C4orf36: variants seen among roughly 807,000 people sequenced by gnomAD.
The protein encoded by C4orf36 is uncharacterized protein C4orf36.
In C4orf36, 11 loss-of-function variants were observed where a neutral mutation model predicts 12.2. That is an observed-to-expected ratio of 0.90 (90% CI 0.57 to 1.49). C4orf36 has a LOEUF of 1.49. C4orf36 is among the 40% of genes most tolerant of loss of function. C4orf36 has a pLI of 0.00. For synonymous variants in C4orf36, 54 were observed against 51.3 expected (o/e 1.05, Z -0.22); for missense variants, 137 against 133.9 (o/e 1.02, Z -0.11).
At chr4:86,914,283 C>A in the C4orf36 span, 1 of 1,600,866 alleles carries the variant, frequency 6.2e-7, no homozygotes, top group Non-Finnish European at 8.6e-7. Context: ...GTCTGCCCCA[C>A]AAGTGACGAT....
chr4:86,897,235 C>T (rs151271512), upstream of C4orf36, among the ~76,000 whole-genome samples: 943 of 152,166 alleles, frequency 6.2e-3, 14 homozygotes, highest in African/African-American at 0.021. Flanking sequence ...GTGGCACGTA[C>T]CTGTAGTTCC....
At chr4:86,921,021 C>T in the C4orf36 span, among the ~76,000 whole-genome samples, 20 of 152,000 alleles carry the variant, frequency 1.3e-4, no homozygotes, top group Middle Eastern at 3.4e-3. Context: ...CAAAATTAAC[C>T]GGGCATGGTG....
the C4orf36 span, among the ~76,000 whole-genome samples, chr4:86,908,505 T>C: frequency 6.8e-6 from 1 of 146,994 alleles, no homozygotes; most frequent in Non-Finnish European, 1.5e-5. Flanking sequence ...AAGTAAGTAA[T>C]ATGAGATTGG....
chr4:86,927,444 C>G, the C4orf36 span, among the ~76,000 whole-genome samples: 3 of 152,254 alleles, frequency 2.0e-5, no homozygotes, highest in South Asian at 6.2e-4. Context: ...AAATCAAGGG[C>G]AGCTTTCCAG....
chr4:86,884,495 G>A (rs897191666), intron 4 of C4orf36, among the ~76,000 whole-genome samples: 8 of 151,796 alleles, frequency 5.3e-5, no homozygotes, highest in East Asian at 1.9e-4. Context: ...TGTGGAGACC[G>A]GGTCTCCCTA....
upstream of C4orf36, among the ~76,000 whole-genome samples, chr4:86,894,213 A>T (rs916368457): frequency 1.3e-5 from 2 of 152,134 alleles, no homozygotes; most frequent in Non-Finnish European, 2.9e-5. Context: ...CGGAATTTTT[A>T]AAAATGAGTT....
the C4orf36 span, chr4:86,925,544 T>C: frequency 2.0e-5 from 3 of 152,152 alleles, no homozygotes; most frequent in South Asian, 2.1e-4. Flanking sequence ...TGAATGATAA[T>C]TTATTTAGAA....
chr4:86,891,564 G>T lies in C4orf36; in HGVS notation c.-44C>A. 1 of 1,613,674 alleles carries T rather than the reference G, an allele frequency of 6.2e-7. No homozygotes were observed. The highest frequency in any genetic ancestry group is 1.7e-5 in the Admixed American group (1 of 59,986). ...GATTTCGTTACATAGGTGCCTGATGGAATGTCACAGATAACTCTGTTCACT... is the reference window on the plus strand; with the variant it reads ...GATTTCGTTACATAGGTGCCTGATGTAATGTCACAGATAACTCTGTTCACT... On this transcript the variant is annotated 5_prime_UTR_variant, in exon 2 of 5. Coordinates refer to ENST00000295898, the MANE Select transcript of C4orf36 (RefSeq NM_144645.4).
chr4:86,907,120 T>C, the C4orf36 span, among the ~76,000 whole-genome samples: 1 of 152,218 alleles, frequency 6.6e-6, no homozygotes, highest in East Asian at 1.9e-4. Context: ...GGTGATTCTC[T>C]GTCAGATGTT....
the C4orf36 span, among the ~76,000 whole-genome samples, chr4:86,931,340 T>C: frequency 6.8e-6 from 1 of 146,080 alleles, no homozygotes; most frequent in African/African-American, 2.5e-5. Flanking sequence ...AGTGCCAGCA[T>C]CTCCCTCTCC....
At chr4:86,890,970 A>T (rs1422827595) in intron 2 of C4orf36, among the ~76,000 whole-genome samples, 1 of 151,606 alleles carries the variant, frequency 6.6e-6, no homozygotes, top group Non-Finnish European at 1.5e-5. Flanking sequence ...ATTGGAAAGC[A>T]TGTGTTGTCC....
the C4orf36 span, among the ~76,000 whole-genome samples, chr4:86,923,354 G>C: frequency 6.6e-6 from 1 of 152,168 alleles, no homozygotes; most frequent in East Asian, 1.9e-4. Flanking sequence ...GCCTCCTAAA[G>C]TGCTGGAATT....
the C4orf36 span, chr4:86,914,255 C>T: frequency 4.2e-5 from 68 of 1,602,690 alleles, no homozygotes; most frequent in Non-Finnish European, 5.6e-5. Context: ...CTTTCTGACT[C>T]CAGACATAGG....
At chr4:86,927,087 A>C in the C4orf36 span, among the ~76,000 whole-genome samples, 540 of 152,358 alleles carry the variant, frequency 3.5e-3, 7 homozygotes, top group African/African-American at 0.012. Context: ...CCTTTACAGA[A>C]AAAGTATGCC....
At chr4:86,926,199 T>G in the C4orf36 span, 1 of 152,260 alleles carries the variant, frequency 6.6e-6, no homozygotes, top group African/African-American at 2.4e-5. Context: ...TCTTCCTTTT[T>G]GTTTCTAATT....
chr4:86,923,489 G>A, the C4orf36 span, among the ~76,000 whole-genome samples: 1 of 152,110 alleles, frequency 6.6e-6, no homozygotes, highest in African/African-American at 2.4e-5. Context: ...TGGGTGCAGT[G>A]GCTCATGCCT....
chr4:86,919,604 C>T, the C4orf36 span, among the ~76,000 whole-genome samples: 1 of 152,100 alleles, frequency 6.6e-6, no homozygotes, highest in South Asian at 2.1e-4. Context: ...GGATTACAGG[C>T]ATGAGCTACT....
At chr4:86,912,489 G>A in the C4orf36 span, among the ~76,000 whole-genome samples, 2 of 152,166 alleles carry the variant, frequency 1.3e-5, no homozygotes, top group Non-Finnish European at 2.9e-5. Flanking sequence ...AAGTTCCTGT[G>A]TTCTTACTGT....
intron 4 of C4orf36, among the ~76,000 whole-genome samples, chr4:86,881,723 G>C (rs900656588): frequency 6.6e-6 from 1 of 151,764 alleles, no homozygotes; most frequent in Non-Finnish European, 1.5e-5. Flanking sequence ...TCCCAGGCTG[G>C]AGTGCAATGG....
Sources: allele counts gnomAD v4.1 joint callset (sites outside exome capture counted in the v4.1 genomes callset), GRCh38; gene constraint gnomAD v4.1.1; transcripts MANE v1.5; gene names NCBI Gene and HGNC (gene_info 2026-07-23, HGNC 2026-07-21).